Variants in SHC4 observed in about 807,000 individuals in gnomAD.
SHC4 encodes the protein SHC adaptor protein 4, also known as SHC-transforming protein 4.
SHC4 carries 41 observed loss-of-function variants against 69.4 expected under a neutral mutation model. The observed-to-expected ratio is 0.59, with a 90% CI of 0.46 to 0.77. SHC4 has a LOEUF of 0.77. SHC4 is among the 30% of genes least tolerant of loss of function. The pLI, the probability that SHC4 is intolerant of heterozygous loss-of-function variation, is 0.00. For synonymous variants in SHC4, 318 were observed against 299.3 expected, an observed-to-expected ratio of 1.06 and a Z score of -0.64; for missense variants, 777 against 783.8, an observed-to-expected ratio of 0.99 and a Z score of 0.10.
chr15:48,921,102 G>A (rs548530199), intron 2 of SHC4, among the ~76,000 whole-genome samples: 3 of 152,222 alleles, frequency 2.0e-5, no homozygotes, highest in Non-Finnish European at 4.4e-5. Flanking sequence ...TAGTATAGAC[G>A]TACAATAGAG....
chr15:48,910,769 T>C (rs1467294441), intron 2 of SHC4, among the ~76,000 whole-genome samples: 1 of 152,148 alleles, frequency 6.6e-6, no homozygotes, highest in African/African-American at 2.4e-5. Context: ...TGTGTCATTA[T>C]TGTTGTTCAG....
At position 48,929,809 on chromosome 15, in the gene SHC4, G is replaced by A. The variant is rs769936582; in HGVS notation, c.586-4860C>T. ...CTTACAGGAACAGTGGGAAAGCAGC[G>A]GAGCTCAGCGTTGCTCAGACAACCT... On this transcript the variant is annotated intron_variant, in intron 1 of 11. Coordinates refer to ENST00000332408, the MANE Select transcript of SHC4 (RefSeq NM_203349.4). 2.4e-4 allele frequency among the ~76,000 whole-genome samples: 37 copies of A among 152,334 alleles called. 1 individual carries two copies. The Middle Eastern group carries it at 0.017, about 70-fold the overall frequency.
At chr15:48,875,223 C>T (rs1156375199) in intron 4 of SHC4, among the ~76,000 whole-genome samples, 1 of 152,228 alleles carries the variant, frequency 6.6e-6, no homozygotes, top group African/African-American at 2.4e-5. Flanking sequence ...GCCTTCTAAA[C>T]TGCTTTGTCA....
chr15:48,955,306 A>G (rs1901429378), intron 1 of SHC4, among the ~76,000 whole-genome samples: 1 of 152,140 alleles, frequency 6.6e-6, no homozygotes, highest in Admixed American at 6.5e-5. Flanking sequence ...CAGACAGATG[A>G]TGTAAGTGAG....
chr15:48,946,704 T>C, intron 1 of SHC4: 1 of 488,062 alleles, frequency 2.0e-6, no homozygotes. Flanking sequence ...ATTTGGAACA[T>C]TCTCTCCCCA....
intron 1 of SHC4, among the ~76,000 whole-genome samples, chr15:48,928,217 TTTG>T (rs1428269404): frequency 3.3e-5 from 5 of 152,072 alleles, no homozygotes; most frequent in African/African-American, 1.2e-4. Context: ...GTACTTCATG[TTTG>T]TTATTTTTGT....
intron 6 of SHC4, among the ~76,000 whole-genome samples, chr15:48,862,733 C>T (rs1212515648): frequency 6.6e-6 from 1 of 152,136 alleles, no homozygotes; most frequent in East Asian, 1.9e-4. Flanking sequence ...TAGCATCTTC[C>T]CACCCTCATG....
chr15:48,952,969 A>G (rs1384458023), intron 1 of SHC4, among the ~76,000 whole-genome samples: 1 of 152,238 alleles, frequency 6.6e-6, no homozygotes, highest in African/African-American at 2.4e-5. Flanking sequence ...ATGCACATGT[A>G]TGTTCACTGC....
chr15:48,886,421 T>C (rs1900037316), intron 3 of SHC4, among the ~76,000 whole-genome samples: 1 of 152,166 alleles, frequency 6.6e-6, no homozygotes, highest in Non-Finnish European at 1.5e-5. Flanking sequence ...ATTTATTATA[T>C]AGGAGACAAA....
intron 2 of SHC4, 26 bp downstream of exon 2, chr15:48,924,853 A>C: frequency 1.2e-6 from 2 of 1,611,848 alleles, no homozygotes; most frequent in Non-Finnish European, 1.7e-6. Flanking sequence ...TACTCCTCAA[A>C]GCCCCTCCCA....
chr15:48,858,290 T>C (rs1029312253), intron 6 of SHC4, among the ~76,000 whole-genome samples: 3 of 152,188 alleles, frequency 2.0e-5, no homozygotes, highest in African/African-American at 4.8e-5. Flanking sequence ...TTGGTAAAGA[T>C]AGGGGCTTTG....
intron 1 of SHC4, among the ~76,000 whole-genome samples, chr15:48,951,239 C>T (rs1391147594): frequency 1.3e-5 from 2 of 152,040 alleles, no homozygotes; most frequent in African/African-American, 2.4e-5. Flanking sequence ...CATCCCCAGC[C>T]ACATCCTTCC....
rs1183798031 is a variant in SHC4, at chr15:48,963,308, G to T, written c.-293C>A. 1 of 362,080 alleles carries T rather than the reference G, an allele frequency of 2.8e-6. No individual in the cohort carries two copies. The highest frequency in any genetic ancestry group is 5.0e-6 in the Non-Finnish European group (1 of 200,500). 22.4% of individuals were successfully genotyped at this position (362,080 alleles called of 1,614,324 possible). A position where few individuals can be genotyped will look rare whatever the true frequency, so the allele number is the denominator to read the frequency against. ...CCTAGACCCAGGCTCCCGGCGGCGC[G>T]GGTCGCTCACGGCCAACTCTTAGGC... On this transcript the variant is annotated 5_prime_UTR_variant, in exon 1 of 12. Transcript: ENST00000332408.
intron 1 of SHC4, among the ~76,000 whole-genome samples, chr15:48,957,397 A>G (rs1256945035): frequency 6.6e-6 from 1 of 152,188 alleles, no homozygotes; most frequent in African/African-American, 2.4e-5. Context: ...CTAGACCTGT[A>G]TTCTCCTATG....
intron 4 of SHC4, among the ~76,000 whole-genome samples, chr15:48,882,260 TC>T (rs1399519624): frequency 2.0e-5 from 3 of 151,940 alleles, no homozygotes; most frequent in Admixed American, 2.0e-4. Context: ...CCCAGCCATT[TC>T]CCCTAGGCCT....
intron 11 of SHC4, among the ~76,000 whole-genome samples, chr15:48,828,509 A>C (rs1567046814): frequency 6.6e-6 from 1 of 152,184 alleles, no homozygotes; most frequent in Non-Finnish European, 1.5e-5. Flanking sequence ...TCTTTTGGAT[A>C]ATTACCCAGA....
intron 2 of SHC4, among the ~76,000 whole-genome samples, chr15:48,900,039 T>G (rs1900295341): frequency 6.6e-6 from 1 of 152,218 alleles, no homozygotes; most frequent in Admixed American, 6.5e-5. Context: ...TGTTAAGGAA[T>G]GAGGTCACCT....
At chr15:48,870,869 A>T (rs1899661202) in intron 5 of SHC4, among the ~76,000 whole-genome samples, 1 of 152,210 alleles carries the variant, frequency 6.6e-6, no homozygotes, top group South Asian at 2.1e-4. Context: ...CCAGTAAATG[A>T]AGCAATGATT....
chr15:48,942,427 T>C (rs1449199830), intron 1 of SHC4, among the ~76,000 whole-genome samples: 2 of 152,016 alleles, frequency 1.3e-5, no homozygotes, highest in African/African-American at 4.8e-5. Context: ...ACCTTCAAGA[T>C]GCAATGTAAA....
Sources: allele counts gnomAD v4.1 joint callset (sites outside exome capture counted in the v4.1 genomes callset), GRCh38; gene constraint gnomAD v4.1.1; transcripts MANE v1.5; gene names NCBI Gene and HGNC (gene_info 2026-07-23, HGNC 2026-07-21).